The following SHTN1 variants were observed in gnomAD, a reference collection of about 807,000 sequenced individuals.
SHTN1 encodes shootin-1.
Under a neutral mutation model 83.1 loss-of-function variants are expected in SHTN1, and 42 were observed. That is an observed-to-expected ratio of 0.51 (90% CI 0.39 to 0.65). The LOEUF (loss-of-function observed/expected upper bound fraction) is 0.65, where lower values mean the gene tolerates loss of function less well. Ranked by LOEUF, SHTN1 falls within the 30% of genes least tolerant of loss-of-function variation. SHTN1 has a pLI of 0.00. For synonymous variants in SHTN1, 224 were observed against 247.7 expected (o/e 0.90, Z 0.90); for missense variants, 622 against 737.8 (o/e 0.84, Z 1.82).
At chr10:117,025,762 G>A (rs979888235) in intron 2 of SHTN1, among the ~76,000 whole-genome samples, 3 of 151,998 alleles carry the variant, frequency 2.0e-5, no homozygotes, top group African/African-American at 7.3e-5. Flanking sequence ...GAGTCATGAG[G>A]ACACCTTTCC....
chr10:116,995,616 T>C (rs1851599136), intron 1 of SHTN1, among the ~76,000 whole-genome samples: 1 of 152,190 alleles, frequency 6.6e-6, no homozygotes, highest in Non-Finnish European at 1.5e-5. Context: ...TAGGATAATA[T>C]AGGCATTTGC....
intron 2 of SHTN1, among the ~76,000 whole-genome samples, chr10:117,024,986 G>C (rs986419238): frequency 6.6e-6 from 1 of 152,102 alleles, no homozygotes; most frequent in African/African-American, 2.4e-5. Context: ...ATCAAAAAAT[G>C]CAAGACCTGG....
At chr10:117,024,988 A>G (rs1350556643) in intron 2 of SHTN1, among the ~76,000 whole-genome samples, 1 of 152,220 alleles carries the variant, frequency 6.6e-6, no homozygotes, top group African/African-American at 2.4e-5. Flanking sequence ...CAAAAAATGC[A>G]AGACCTGGGA....
At chr10:116,902,571 A>G (rs1377644018) in intron 15 of SHTN1, among the ~76,000 whole-genome samples, 1 of 152,236 alleles carries the variant, frequency 6.6e-6, no homozygotes, top group African/African-American at 2.4e-5. Flanking sequence ...TTTAAAAACC[A>G]TAATAAAACT....
intron 3 of SHTN1, 51 bp downstream of exon 3, chr10:116,968,600 AT>A: frequency 7.6e-7 from 1 of 1,314,930 alleles, no homozygotes; most frequent in Non-Finnish European, 1.1e-6. Flanking sequence ...TACTCACATA[AT>A]CCCCAATAGG....
intron 1 of SHTN1, among the ~76,000 whole-genome samples, chr10:116,989,624 C>T (rs1564917596): frequency 6.6e-6 from 1 of 152,156 alleles, no homozygotes; most frequent in African/African-American, 2.4e-5. Flanking sequence ...GAGGAATCTG[C>T]AAGCAGACTT....
chr10:116,932,303 C>T (rs561996561), intron 9 of SHTN1, among the ~76,000 whole-genome samples: 4 of 152,262 alleles, frequency 2.6e-5, no homozygotes, highest in South Asian at 2.1e-4. Flanking sequence ...CAAGCATTAC[C>T]GCCTGAGCTC....
At chr10:117,105,561 T>A (rs1305766475) in intron 1 of SHTN1, among the ~76,000 whole-genome samples, 1 of 152,202 alleles carries the variant, frequency 6.6e-6, no homozygotes, top group Admixed American at 6.5e-5. Context: ...CTATTTCTAA[T>A]AAGCATAGAA....
At chr10:117,020,137 T>C (rs1458508826) in intron 2 of SHTN1, among the ~76,000 whole-genome samples, 1 of 151,980 alleles carries the variant, frequency 6.6e-6, no homozygotes, top group Non-Finnish European at 1.5e-5. Context: ...ATTGAAGACT[T>C]AAACTACAAT....
chr10:116,881,921 C>T lies in SHTN1; in HGVS notation c.*4423G>A, dbSNP rs1304346892. ...TCTATTAGCTCTCCTGTCCATTTTT[C>T]AGGGACACGCTCCAGTAAAAGAGGC... On this transcript the variant is annotated 3_prime_UTR_variant, in exon 17 of 17. Transcript: ENST00000355371. 5.8e-6 allele frequency: 2 copies of T among 343,436 alleles called. No individual in the cohort carries two copies. The highest frequency in any genetic ancestry group is 4.2e-5 in the African/African-American group (2 of 47,438). The allele number at this position is 343,436 out of a possible 1,614,324, so 21.3% of individuals were successfully genotyped here. A position where few individuals can be genotyped will look rare whatever the true frequency, so the allele number is the denominator to read the frequency against.
chr10:117,109,453 T>C (rs899795722), intron 1 of SHTN1, among the ~76,000 whole-genome samples: 3 of 151,870 alleles, frequency 2.0e-5, no homozygotes, highest in Admixed American at 6.6e-5. Context: ...TACACCAAAA[T>C]ATTAACAGTG....
intron 14 of SHTN1, among the ~76,000 whole-genome samples, chr10:116,907,229 G>A (rs1471156894): frequency 3.3e-5 from 5 of 152,126 alleles, no homozygotes; most frequent in East Asian, 3.9e-4. Flanking sequence ...TGTCCGTGGC[G>A]TCGTAGCTGT....
Position 116,907,518 on chromosome 10 carries a change from C to T in SHTN1, c.1360-771G>A, listed in dbSNP as rs116389794. Among the ~76,000 whole-genome samples the T allele has an allele frequency of 6.1e-3, 923 of 152,280 alleles. 12 individuals are homozygous for T. Among genetic ancestry groups the T allele is most frequent in the African/African-American group, 0.021 (893 of 41,552 alleles). ...AGATCCATGTTTCCCTGCTCTGGCT[C>T]TTCCGGGAAGTATGTTACAGAGTGA... On this transcript the variant is annotated intron_variant, in intron 14 of 16. Coordinates refer to ENST00000355371, the MANE Select transcript of SHTN1 (RefSeq NM_001127211.3).
chr10:117,071,070 C>A (rs1451115013), intron 1 of SHTN1, among the ~76,000 whole-genome samples: 1 of 151,678 alleles, frequency 6.6e-6, no homozygotes, highest in Non-Finnish European at 1.5e-5. Context: ...ATTTTCCTAC[C>A]TTTAACAATA....
At chr10:117,076,355 G>A (rs1853153871) in intron 1 of SHTN1, among the ~76,000 whole-genome samples, 1 of 152,112 alleles carries the variant, frequency 6.6e-6, no homozygotes, top group Admixed American at 6.6e-5. Context: ...CCGCTAGAGT[G>A]CTGAACTAAA....
chr10:117,123,151 T>C (rs1311801211), intron 1 of SHTN1, among the ~76,000 whole-genome samples: 2 of 152,160 alleles, frequency 1.3e-5, no homozygotes, highest in African/African-American at 2.4e-5. Context: ...TACAGGCATG[T>C]ACCACCAAGC....
chr10:116,886,159 G>A lies in SHTN1; in HGVS notation c.*185C>T. Reference sequence around the variant, plus strand: ...CAAAAAACCAAAACCTACTAGGAATGTGTGTTTTGCTAAACAGCTTACTTA... The same window carrying A: ...CAAAAAACCAAAACCTACTAGGAATATGTGTTTTGCTAAACAGCTTACTTA... On this transcript the variant is annotated 3_prime_UTR_variant, in exon 17 of 17. Transcript: ENST00000355371. 2.6e-6 allele frequency: 2 copies of A among 781,108 alleles called. No homozygotes were observed. The highest frequency in any genetic ancestry group is 3.9e-6 in the Non-Finnish European group (2 of 507,886). The allele number at this position is 781,108 out of a possible 1,614,324, so 48.4% of individuals were successfully genotyped here. A position where few individuals can be genotyped will look rare whatever the true frequency, so the allele number is the denominator to read the frequency against.
At chr10:116,992,832 T>C (rs1564919810) in intron 1 of SHTN1, among the ~76,000 whole-genome samples, 1 of 152,150 alleles carries the variant, frequency 6.6e-6, no homozygotes, top group Non-Finnish European at 1.5e-5. Flanking sequence ...AAAGCTGTTA[T>C]TCAGATTACA....
At chr10:117,099,089 G>C (rs946317349) in intron 1 of SHTN1, among the ~76,000 whole-genome samples, 1 of 151,228 alleles carries the variant, frequency 6.6e-6, no homozygotes, top group Admixed American at 6.6e-5. Context: ...CACTTGAATA[G>C]AGCTGGAGGC....
Sources: gnomAD v4.1 joint callset for allele counts (sites outside exome capture counted in the v4.1 genomes callset) on GRCh38, gnomAD v4.1.1 for gene constraint, MANE v1.5 for transcripts, NCBI Gene and HGNC (gene_info 2026-07-23, HGNC 2026-07-21) for gene names.